Variants in ADCY2 observed in about 807,000 individuals in gnomAD.
The protein encoded by ADCY2 is adenylate cyclase type 2.
Under a neutral mutation model 125.2 loss-of-function variants are expected in ADCY2, and 31 were observed. That is an observed-to-expected ratio of 0.25 (90% CI 0.19 to 0.33). The LOEUF (loss-of-function observed/expected upper bound fraction) is 0.33, where lower values mean the gene tolerates loss of function less well. Ranked by LOEUF, ADCY2 falls within the 10% of genes least tolerant of loss-of-function variation. The pLI is 1.00. For synonymous variants in ADCY2, 512 were observed against 548.4 expected, an observed-to-expected ratio of 0.93 and a Z score of 0.93; for missense variants, 904 against 1,418.2, an observed-to-expected ratio of 0.64 and a Z score of 5.82.
Position 7,720,309 on chromosome 5 carries a change from A to C in ADCY2, c.1703+3072A>C, listed in dbSNP as rs149284603. On this transcript the variant is annotated intron_variant, in intron 12 of 24. Coordinates refer to ENST00000338316, the MANE Select transcript of ADCY2 (RefSeq NM_020546.3). ...TTTATCAATCTCCTTGTTTTCTATA[A>C]GTCAAAATATTCCCAAGTCAATTGC... Among the ~76,000 whole-genome samples the C allele has an allele frequency of 8.3e-4, 127 of 152,306 alleles. 1 individual carries two copies. The highest frequency in any genetic ancestry group is 3.0e-3 in the African/African-American group (123 of 41,570).
At chr5:7,777,794 G>A (rs188788921) in intron 18 of ADCY2, among the ~76,000 whole-genome samples, 3 of 152,262 alleles carry the variant, frequency 2.0e-5, no homozygotes, top group Admixed American at 2.0e-4. Context: ...GAATAGTTAA[G>A]AAAATGGTAT....
At position 7,478,683 on chromosome 5, in the gene ADCY2, G is replaced by A. The variant is rs1391256626; in HGVS notation, c.409-42055G>A. On this transcript the variant is annotated intron_variant, in intron 2 of 24. Coordinates refer to ENST00000338316, the MANE Select transcript of ADCY2 (RefSeq NM_020546.3). ...ATTACTAAACTCAACACACACTGAT[G>A]TTTTTTTAAAGGGAAAGTTCCTGGC... Among the ~76,000 whole-genome samples, 3 of 152,088 alleles carry A rather than the reference G, an allele frequency of 2.0e-5. No homozygotes were observed. The East Asian group carries it at 5.8e-4, about 29-fold the overall frequency.
chr5:7,769,312 C>A (rs540578356), intron 17 of ADCY2, among the ~76,000 whole-genome samples: 1 of 151,974 alleles, frequency 6.6e-6, no homozygotes, highest in Non-Finnish European at 1.5e-5. Flanking sequence ...TTGTAACACA[C>A]GATAAGGTTA....
chr5:7,534,134 C>T (rs1182940095), intron 3 of ADCY2, among the ~76,000 whole-genome samples: 1 of 152,200 alleles, frequency 6.6e-6, no homozygotes, highest in East Asian at 1.9e-4. Context: ...TACCTCTGGG[C>T]AGGCCCCTCA....
chr5:7,408,331 GT>G (rs769995177), intron 1 of ADCY2, among the ~76,000 whole-genome samples: 39 of 152,218 alleles, frequency 2.6e-4, no homozygotes, highest in Non-Finnish European at 4.6e-4. Flanking sequence ...GATGTGCACT[GT>G]TTTCATTATT....
intron 1 of ADCY2, among the ~76,000 whole-genome samples, chr5:7,402,477 C>G (rs892187890): frequency 1.3e-5 from 2 of 152,168 alleles, no homozygotes; most frequent in African/African-American, 4.8e-5. Flanking sequence ...ACTTCTGTCT[C>G]CAGGAGCCAG....
intron 14 of ADCY2, among the ~76,000 whole-genome samples, chr5:7,741,997 G>A (rs1005658936): frequency 6.6e-6 from 1 of 151,238 alleles, no homozygotes; most frequent in African/African-American, 2.4e-5. Flanking sequence ...AAACCTCCAA[G>A]AAGATATCGT....
chr5:7,436,538 C>A (rs1478919085), intron 2 of ADCY2, among the ~76,000 whole-genome samples: 1 of 152,166 alleles, frequency 6.6e-6, no homozygotes, highest in Non-Finnish European at 1.5e-5. Context: ...TATTAGAAAA[C>A]CTGTAGAACA....
At chr5:7,501,790 G>T (rs60569968) in intron 2 of ADCY2, among the ~76,000 whole-genome samples, 1 of 151,572 alleles carries the variant, frequency 6.6e-6, no homozygotes, top group Non-Finnish European at 1.5e-5. Context: ...AAGTCCAAGG[G>T]GCGTCCACCA....
At chr5:7,499,801 C>T (rs1196536498) in intron 2 of ADCY2, among the ~76,000 whole-genome samples, 1 of 149,622 alleles carries the variant, frequency 6.7e-6, no homozygotes, top group East Asian at 2.0e-4. Flanking sequence ...AGAAAACTGC[C>T]CATATAGAGA....
At chr5:7,808,474 C>T (rs1366497027) in intron 22 of ADCY2, among the ~76,000 whole-genome samples, 1 of 152,230 alleles carries the variant, frequency 6.6e-6, no homozygotes, top group East Asian at 1.9e-4. Context: ...TGAACCTTTA[C>T]TGAATGGCTC....
rs531556501 is a variant in ADCY2, at chr5:7,702,464, T to C, written c.1109+4090T>C. ...TCATTGTTCAGTTCCCACCTATGAG[T>C]GAGAACATGTGGTGTTAGGTTTTTT... On this transcript the variant is annotated intron_variant, in intron 7 of 24. Transcript: ENST00000338316. Among the ~76,000 whole-genome samples the C allele has an allele frequency of 3.3e-5, 5 of 151,408 alleles. No individual in the cohort carries two copies. The South Asian group carries it at 1.0e-3, about 32-fold the overall frequency.
At chr5:7,762,008 A>T (rs181259080) in intron 16 of ADCY2, among the ~76,000 whole-genome samples, 1 of 152,318 alleles carries the variant, frequency 6.6e-6, no homozygotes, top group East Asian at 1.9e-4. Flanking sequence ...ACTTTTTAAT[A>T]CTTTTAATGT....
At chr5:7,822,035 G>A (rs1745317769) in intron 24 of ADCY2, among the ~76,000 whole-genome samples, 1 of 152,078 alleles carries the variant, frequency 6.6e-6, no homozygotes, top group South Asian at 2.1e-4. Flanking sequence ...GAAGAAGGAA[G>A]GGTGCAAGAG....
intron 14 of ADCY2, among the ~76,000 whole-genome samples, chr5:7,733,843 A>G (rs1742174341): frequency 6.6e-6 from 1 of 152,204 alleles, no homozygotes; most frequent in African/African-American, 2.4e-5. Flanking sequence ...TTACTTGGCC[A>G]AAGATCATCT....
chr5:7,760,564 C>A (rs1743162977), intron 16 of ADCY2, among the ~76,000 whole-genome samples: 1 of 152,200 alleles, frequency 6.6e-6, no homozygotes. Context: ...AGTAGCAGCA[C>A]ATATGAGTTA....
intron 7 of ADCY2, among the ~76,000 whole-genome samples, chr5:7,702,876 C>G (rs2126341454): frequency 6.6e-6 from 1 of 152,302 alleles, no homozygotes; most frequent in African/African-American, 2.4e-5. Context: ...TCTCCACGTC[C>G]TCTCCAGCAC....
chr5:7,675,134 G>C (rs1262448390), intron 4 of ADCY2, among the ~76,000 whole-genome samples: 5 of 151,192 alleles, frequency 3.3e-5, no homozygotes, highest in South Asian at 4.2e-4. Context: ...GTCCGGCCTG[G>C]GTGAAAGAGT....
chr5:7,468,827 A>C (rs1742225219), intron 2 of ADCY2, among the ~76,000 whole-genome samples: 1 of 152,194 alleles, frequency 6.6e-6, no homozygotes, highest in African/African-American at 2.4e-5. Flanking sequence ...TGGAAACCAA[A>C]TGCTAAAATG....
Sources: allele counts gnomAD v4.1 joint callset (sites outside exome capture counted in the v4.1 genomes callset), GRCh38; gene constraint gnomAD v4.1.1; transcripts MANE v1.5; gene names NCBI Gene and HGNC (gene_info 2026-07-23, HGNC 2026-07-21).